The following NRXN1 variants were observed in gnomAD, a reference collection of about 807,000 sequenced individuals.
NRXN1 encodes the protein neurexin-1.
Under a neutral mutation model 150.9 loss-of-function variants are expected in NRXN1, and 39 were observed. That is an observed-to-expected ratio of 0.26 (90% CI 0.20 to 0.34). The LOEUF (loss-of-function observed/expected upper bound fraction) is 0.34. Among genes scored for constraint, NRXN1 ranks in the 10% least tolerant of loss-of-function variants. The pLI is 1.00. For synonymous variants in NRXN1, 924 were observed against 757.0 expected (o/e 1.22, Z -3.62); for missense variants, 1,815 against 1,949.9 (o/e 0.93, Z 1.30).
chr2:49,962,306 T>G (rs888723095), intron 21 of NRXN1, among the ~76,000 whole-genome samples: 1 of 152,212 alleles, frequency 6.6e-6, no homozygotes, highest in Non-Finnish European at 1.5e-5. Context: ...AATGCTTCAA[T>G]TGACTGTTAA....
At chr2:50,758,262 T>C (rs191842630) in intron 5 of NRXN1, 205 of 151,972 alleles carry the variant, frequency 1.3e-3, no homozygotes, top group African/African-American at 4.9e-3. Flanking sequence ...GTTCACTTCA[T>C]GGCAAAGCTG....
In NRXN1 at chr2:50,729,991, T is replaced by C. The variant is rs540933777; in HGVS notation, c.833-106376A>G. Among the ~76,000 whole-genome samples the C allele has an allele frequency of 6.6e-5, 10 of 152,312 alleles. No individual in the cohort carries two copies. The East Asian group carries it at 1.7e-3, about 26-fold the overall frequency. ...CATCCTTTCTAAAGACCTTCTTGACTAAAGTAGTTCTCTTTACCTTTGTCA... is the reference window on the plus strand; with the variant it reads ...CATCCTTTCTAAAGACCTTCTTGACCAAAGTAGTTCTCTTTACCTTTGTCA... On this transcript the variant is annotated intron_variant, in intron 5 of 22. Transcript: ENST00000401669.
chr2:50,635,738 C>T (rs1419102658), intron 5 of NRXN1, among the ~76,000 whole-genome samples: 1 of 152,152 alleles, frequency 6.6e-6, no homozygotes. Context: ...TCTGTGCTGA[C>T]CTATCCGTCA....
intron 2 of NRXN1, among the ~76,000 whole-genome samples, chr2:50,953,012 A>T (rs1002030901): frequency 2.0e-5 from 3 of 152,184 alleles, no homozygotes; most frequent in African/African-American, 7.2e-5. Context: ...TATATGGAGG[A>T]GAAAATACTA....
At chr2:50,727,733 C>T (rs12991070) in intron 5 of NRXN1, among the ~76,000 whole-genome samples, 26,329 of 151,988 alleles carry the variant, frequency 0.17, 2,540 homozygotes, top group Middle Eastern at 0.22. Flanking sequence ...TTTACCATGG[C>T]AATATATAAG....
chr2:50,377,562 A>C (rs1333915714), intron 17 of NRXN1, among the ~76,000 whole-genome samples: 1 of 152,104 alleles, frequency 6.6e-6, no homozygotes, highest in East Asian at 1.9e-4. Flanking sequence ...TTAAAATTAA[A>C]GTTGGGACTA....
Position 50,436,457 on chromosome 2 carries a change from G to GA in NRXN1, c.3364+28984dup, listed in dbSNP as rs77204704. ...AACAAGAGTGAAACTCCGTCTCAAG[G>GA]AAAAAAAAAAAAAATACAAAGAAGT... On this transcript the variant is annotated intron_variant, in intron 17 of 22. Coordinates refer to ENST00000401669, the MANE Select transcript of NRXN1 (RefSeq NM_001330078.2). 8.0e-3 allele frequency among the ~76,000 whole-genome samples: 1,114 copies of GA among 138,988 alleles called. 5 individuals are homozygous for GA. The highest frequency in any genetic ancestry group is 0.011 in the Non-Finnish European group (672 of 63,270). 91.2% of individuals were successfully genotyped at this position (138,988 alleles called of 152,430 possible).
intron 12 of NRXN1, among the ~76,000 whole-genome samples, chr2:50,516,835 T>A (rs755879273): frequency 3.9e-5 from 6 of 152,074 alleles, no homozygotes; most frequent in Non-Finnish European, 8.8e-5. Context: ...GAAATACTCA[T>A]CCCAGTTAAA....
At chr2:50,714,421 G>T (rs1695595383) in intron 5 of NRXN1, among the ~76,000 whole-genome samples, 1 of 151,992 alleles carries the variant, frequency 6.6e-6, no homozygotes, top group African/African-American at 2.4e-5. Flanking sequence ...TTAAAAGCTA[G>T]GTTGGTGCAT....
chr2:50,961,928 A>G (rs1000839025), intron 2 of NRXN1, among the ~76,000 whole-genome samples: 2 of 151,368 alleles, frequency 1.3e-5, no homozygotes, highest in African/African-American at 4.8e-5. Context: ...ATTAGCTATT[A>G]CAACTGAGAA....
At chr2:50,744,405 T>C (rs1292581529) in intron 5 of NRXN1, among the ~76,000 whole-genome samples, 1 of 152,122 alleles carries the variant, frequency 6.6e-6, no homozygotes, top group African/African-American at 2.4e-5. Flanking sequence ...ATTTTCTCTC[T>C]AATGATAAGA....
At chr2:50,194,463 C>T (rs760517128) in intron 18 of NRXN1, among the ~76,000 whole-genome samples, 19 of 152,120 alleles carry the variant, frequency 1.2e-4, no homozygotes, top group Non-Finnish European at 2.1e-4. Context: ...TGCCAATTTG[C>T]TTTGAATTAT....
intron 17 of NRXN1, among the ~76,000 whole-genome samples, chr2:50,361,806 T>C (rs2079225078): frequency 6.6e-6 from 1 of 151,984 alleles, no homozygotes; most frequent in South Asian, 2.1e-4. Flanking sequence ...AAAAAGAAAA[T>C]TTCAGGCCAA....
chr2:50,729,291 C>G (rs1394415867), intron 5 of NRXN1, among the ~76,000 whole-genome samples: 1 of 152,100 alleles, frequency 6.6e-6, no homozygotes, highest in Non-Finnish European at 1.5e-5. Context: ...TTCTGTGTCC[C>G]TCAATAAGGT....
intron 18 of NRXN1, among the ~76,000 whole-genome samples, chr2:50,125,713 G>C (rs1255269228): frequency 2.6e-5 from 4 of 152,076 alleles, no homozygotes; most frequent in Non-Finnish European, 5.9e-5. Context: ...CCAAGTTGTA[G>C]ATGGGATAGA....
intron 2 of NRXN1, among the ~76,000 whole-genome samples, chr2:51,017,649 C>A (rs1030400418): frequency 6.7e-6 from 1 of 150,360 alleles, no homozygotes; most frequent in South Asian, 2.1e-4. Context: ...AGAAAGTTGG[C>A]AGAACTTTTT....
intron 10 of NRXN1, among the ~76,000 whole-genome samples, chr2:50,534,662 G>A (rs1277841915): frequency 1.3e-5 from 2 of 152,108 alleles, no homozygotes; most frequent in Non-Finnish European, 2.9e-5. Flanking sequence ...CCGAATAAAA[G>A]TGTAAAAGTC....
At chr2:50,987,523 G>T (rs1229123663) in intron 2 of NRXN1, among the ~76,000 whole-genome samples, 2 of 151,700 alleles carry the variant, frequency 1.3e-5, no homozygotes, top group Non-Finnish European at 2.9e-5. Context: ...ATAATAAATG[G>T]GTTATTACAT....
chr2:50,380,857 T>A (rs1033179972), intron 17 of NRXN1, among the ~76,000 whole-genome samples: 2 of 152,142 alleles, frequency 1.3e-5, no homozygotes, highest in Non-Finnish European at 2.9e-5. Flanking sequence ...CATATTATCA[T>A]CACCAATAAA....
Sources: allele counts gnomAD v4.1 joint callset (sites outside exome capture counted in the v4.1 genomes callset), GRCh38; gene constraint gnomAD v4.1.1; transcripts MANE v1.5; gene names NCBI Gene and HGNC (gene_info 2026-07-23, HGNC 2026-07-21).